ANKAR: variants seen among roughly 807,000 people sequenced by gnomAD.
The protein encoded by ANKAR is ankyrin and armadillo repeat-containing protein.
A neutral mutation model predicts 146.2 loss-of-function variants in ANKAR; 136 were observed. The observed-to-expected ratio is 0.93, with a 90% CI of 0.81 to 1.07. The LOEUF is 1.07. Among genes scored for constraint, ANKAR ranks in the 50% least tolerant of loss-of-function variants. The pLI, the probability that ANKAR is intolerant of heterozygous loss-of-function variation, is 0.00. For missense variants in ANKAR, 1,567 were observed against 1,679.9 expected (o/e 0.93, Z 1.18); for synonymous variants, 500 against 575.8 (o/e 0.87, Z 1.88).
intron 10 of ANKAR, among the ~76,000 whole-genome samples, chr2:189,715,773 G>T (rs532043842): frequency 6.6e-6 from 1 of 152,194 alleles, no homozygotes; most frequent in East Asian, 1.9e-4. Flanking sequence ...GGGATGCAAG[G>T]CTGGTTCAAC....
In ANKAR at chr2:189,689,845, A is replaced by C; in HGVS notation, c.920A>C (p.Lys307Thr). ...ATTCAAAAACACTTTGAGAAGAAAA[A>C]AGATATCAGAAGAGGGATAGGATAC... is the stretch of plus-strand genomic sequence containing the variant. ...KIIQKHFEKKKDIRRGIGYLK... is the reference protein window; with the variant it reads ...KIIQKHFEKKTDIRRGIGYLK... Residue 307 changes from lysine (K) to threonine (T), a missense_variant, in exon 3 of 23, where the codon AAA becomes ACA. Coordinates refer to ENST00000684021, the MANE Select transcript of ANKAR (RefSeq NM_001378068.1). 1 of 1,604,114 alleles carries C rather than the reference A, an allele frequency of 6.2e-7. No homozygotes were observed. The highest frequency in any genetic ancestry group is 8.5e-7 in the Non-Finnish European group (1 of 1,175,714).
intron 19 of ANKAR, 50 bp from the exon 20 acceptor site, chr2:189,741,292 A>G: frequency 3.6e-6 from 5 of 1,385,446 alleles, no homozygotes; most frequent in Non-Finnish European, 5.0e-6. Flanking sequence ...AAAGTATTAT[A>G]AGTTTATATC....
In ANKAR at chr2:189,674,720, G is replaced by T. The variant is rs1401426105; in HGVS notation, c.-146G>T. 1 of 152,306 alleles carries T rather than the reference G, an allele frequency of 6.6e-6. No homozygotes were observed. The allele number at this position is 152,306 out of a possible 1,614,324, so 9.4% of individuals were successfully genotyped here. A position where few individuals can be genotyped will look rare whatever the true frequency, so the allele number is the denominator to read the frequency against. The stretch of plus-strand genomic sequence containing the variant: ...CGCCCTTGCGGAGGCCCTGAGGGCG[G>T]ATTCAAGGCCCCGCGAGAAGCCATC... On this transcript the variant is annotated 5_prime_UTR_variant, in exon 1 of 23. Transcript: ENST00000684021.
chr2:189,749,854 G>A (rs187604764), downstream of ANKAR, among the ~76,000 whole-genome samples: 1 of 152,270 alleles, frequency 6.6e-6, no homozygotes, highest in East Asian at 1.9e-4. Context: ...TTGCTCTCTT[G>A]AGCACATCTG....
chr2:189,674,908 C>T (rs920496114), intron 1 of ANKAR, 78 bp downstream of exon 1: 2 of 152,430 alleles, frequency 1.3e-5, no homozygotes, highest in African/African-American at 4.8e-5. Flanking sequence ...GACGTGGGTC[C>T]CGGGCTTGAC....
intron 2 of ANKAR, among the ~76,000 whole-genome samples, chr2:189,686,477 A>C (rs2035614076): frequency 6.6e-6 from 1 of 152,200 alleles, no homozygotes; most frequent in Non-Finnish European, 1.5e-5. Context: ...ATAGAGTAAA[A>C]TCAAGTTTTA....
intron 12 of ANKAR, among the ~76,000 whole-genome samples, chr2:189,725,539 A>G (rs550617082): frequency 6.6e-6 from 1 of 152,184 alleles, no homozygotes; most frequent in African/African-American, 2.4e-5. Flanking sequence ...ATCTATAGGC[A>G]TATCTATAGG....
intron 10 of ANKAR, 23 bp downstream of exon 10, chr2:189,711,176 C>T (rs530961448): frequency 2.0e-6 from 3 of 1,534,756 alleles, no homozygotes; most frequent in Admixed American, 3.4e-5. Context: ...CTATTAATAA[C>T]TTTTTATGCT....
Position 189,730,605 on chromosome 2 carries a change from TA to T in ANKAR, c.3300+7del. 1 of 1,500,794 alleles carries T rather than the reference TA, an allele frequency of 6.7e-7. No individual in the cohort carries two copies. Among genetic ancestry groups the T allele is most frequent in the Non-Finnish European group, 9.1e-7 (1 of 1,099,612 alleles). 93.0% of individuals were successfully genotyped at this position (1,500,794 alleles called of 1,614,324 possible). On this transcript the variant is annotated splice_donor_5th_base_variant and intron_variant, in intron 16 of 22. Transcript: ENST00000684021. ...TCACCCTTCTCCTAACATTAAGGTA[TA>T]AAGGTTTACATTGTTTTCTGATATG...
At chr2:189,684,704 G>A (rs143453325) in intron 2 of ANKAR, among the ~76,000 whole-genome samples, 283 of 151,698 alleles carry the variant, frequency 1.9e-3, no homozygotes, top group African/African-American at 6.3e-3. Flanking sequence ...GGTGGTGCAC[G>A]CCTGTAGTCC....
intron 17 of ANKAR, 124 bp downstream of exon 17, chr2:189,733,353 G>T (rs939525352): frequency 7.9e-5 from 67 of 848,058 alleles, no homozygotes; most frequent in African/African-American, 5.9e-4. Context: ...ACATGTAAAA[G>T]ATCTCTTTGT....
At chr2:189,715,039 C>T (rs1270560396) in intron 10 of ANKAR, among the ~76,000 whole-genome samples, 1 of 150,076 alleles carries the variant, frequency 6.7e-6, no homozygotes, top group Non-Finnish European at 1.5e-5. Flanking sequence ...ACTAGAGAAG[C>T]AAGAGCAAAC....
chr2:189,686,859 G>A (rs2035677215), intron 2 of ANKAR, among the ~76,000 whole-genome samples: 1 of 151,900 alleles, frequency 6.6e-6, no homozygotes, highest in Non-Finnish European at 1.5e-5. Flanking sequence ...TGGGTACATA[G>A]CAGGTATATA....
chr2:189,689,545 A>G lies in ANKAR; in HGVS notation c.620A>G (p.Lys207Arg). 1 of 1,578,642 alleles carries G rather than the reference A, an allele frequency of 6.3e-7. No homozygotes were observed. Among genetic ancestry groups the G allele is most frequent in the South Asian group, 1.2e-5 (1 of 84,890 alleles). The change falls in exon 3 of 23, where the codon AAG (lysine) becomes AGG (arginine). Residue 207 changes from lysine to arginine, a missense_variant. Lys to Arg is a conservative substitution (Grantham distance 26). Transcript: ENST00000684021. ...FSSAGLTDIT[K>R]DPDFNEIYDE... ...CATGAAGGTTTGACTGATATTACAAAGGATCCAGACTTTAATGAAATCTAT... is the reference window on the plus strand; with the variant it reads ...CATGAAGGTTTGACTGATATTACAAGGGATCCAGACTTTAATGAAATCTAT...
chr2:189,725,630 G>A (rs4667306), intron 12 of ANKAR, among the ~76,000 whole-genome samples: 34,234 of 152,092 alleles, frequency 0.23, 4,094 homozygotes, highest in African/African-American at 0.29. Flanking sequence ...AAAATACACC[G>A]GGCACAGTGG....
intron 16 of ANKAR, among the ~76,000 whole-genome samples, chr2:189,732,805 T>C (rs1413104053): frequency 6.6e-6 from 1 of 152,074 alleles, no homozygotes; most frequent in Non-Finnish European, 1.5e-5. Context: ...GATACAACTA[T>C]GTACTTAGGA....
chr2:189,711,168 A>G lies in ANKAR; in HGVS notation c.2224+15A>G, dbSNP rs2039634886. The G allele has an allele frequency of 6.4e-7, 1 of 1,570,468 alleles. No homozygotes were observed. Among genetic ancestry groups the G allele is most frequent in the Non-Finnish European group, 8.7e-7 (1 of 1,143,968 alleles). ...TTTGGATGCAGGTGATGCAAACTCT[A>G]TTAATAACTTTTTATGCTATTTTAT... On this transcript the variant is annotated intron_variant, in intron 10 of 22. Coordinates refer to ENST00000684021, the MANE Select transcript of ANKAR (RefSeq NM_001378068.1).
chr2:189,742,956 A>C (rs2043570969), intron 20 of ANKAR, among the ~76,000 whole-genome samples: 2 of 142,152 alleles, frequency 1.4e-5, no homozygotes, highest in South Asian at 2.3e-4. Context: ...ACACACACAC[A>C]CACACACACA....
chr2:189,710,897 T>C lies in ANKAR; in HGVS notation c.2120-152T>C. 9.8e-6 allele frequency: 6 copies of C among 611,198 alleles called. No homozygotes were observed. The South Asian group carries it at 1.3e-4, about 13-fold the overall frequency. The allele number at this position is 611,198 out of a possible 1,614,324, so 37.9% of individuals were successfully genotyped here. On this transcript the variant is annotated intron_variant, in intron 9 of 22. Coordinates refer to ENST00000684021, the MANE Select transcript of ANKAR (RefSeq NM_001378068.1). ...AATTTGTCAGTACTTCATAGGGAGC[T>C]GTGCACAGAGGGGAATTTAATGCAT... is the stretch of plus-strand genomic sequence containing the variant.
Sources: gnomAD v4.1 joint callset for allele counts (sites outside exome capture counted in the v4.1 genomes callset) on GRCh38, gnomAD v4.1.1 for gene constraint, MANE v1.5 for transcripts, NCBI Gene and HGNC (gene_info 2026-07-23, HGNC 2026-07-21) for gene names.